SYT14: variants seen among roughly 807,000 people sequenced by gnomAD.
SYT14 encodes synaptotagmin-14.
Under a neutral mutation model 74.2 loss-of-function variants are expected in SYT14, and 32 were observed. The observed-to-expected ratio is 0.43, with a 90% CI of 0.33 to 0.58. The LOEUF (loss-of-function observed/expected upper bound fraction) is 0.58, where lower values mean the gene tolerates loss of function less well. Ranked by LOEUF, SYT14 falls within the 20% of genes least tolerant of loss-of-function variation. The pLI is 0.05. For missense variants in SYT14, 791 were observed against 981.8 expected (o/e 0.81, Z 2.60); for synonymous variants, 298 against 337.7 (o/e 0.88, Z 1.29).
intron 2 of SYT14, among the ~76,000 whole-genome samples, chr1:209,988,903 A>G (rs2079617315): frequency 6.6e-6 from 1 of 152,140 alleles, no homozygotes; most frequent in East Asian, 1.9e-4. Context: ...CTGTCTACAC[A>G]GCTTTTTATT....
intron 5 of SYT14, among the ~76,000 whole-genome samples, chr1:210,061,774 A>G (rs1282813006): frequency 6.6e-6 from 1 of 151,930 alleles, no homozygotes; most frequent in Non-Finnish European, 1.5e-5. Flanking sequence ...TCAATTCACA[A>G]TATAACTTAG....
intron 2 of SYT14, chr1:209,965,994 C>G (rs547696643): frequency 4.4e-6 from 2 of 451,696 alleles, no homozygotes; most frequent in Non-Finnish European, 8.9e-6. Flanking sequence ...CCTCAGCATC[C>G]CAAGTAACTG....
intron 2 of SYT14, among the ~76,000 whole-genome samples, chr1:209,960,177 A>G (rs2079056707): frequency 1.3e-5 from 2 of 152,192 alleles, no homozygotes; most frequent in South Asian, 2.1e-4. Flanking sequence ...AGGACTCTCT[A>G]TTGTCCTGGC....
rs1473146470 is a variant in SYT14 at position 209,939,017 on chromosome 1, C to A, written c.-534+740C>A. Among the ~76,000 whole-genome samples, 8 of 152,222 alleles carry A rather than the reference C, an allele frequency of 5.3e-5. No homozygotes were observed. The East Asian group carries it at 1.5e-3, about 29-fold the overall frequency. ...TTATAGTGCCACAATGCTCATATTT[C>A]GAAAAACAGCTTAATAAAAATTAAG... On this transcript the variant is annotated intron_variant, in intron 1 of 9. Transcript: ENST00000637265.
intron 5 of SYT14, among the ~76,000 whole-genome samples, chr1:210,056,434 T>C (rs2102397063): frequency 6.6e-6 from 1 of 152,208 alleles, no homozygotes; most frequent in African/African-American, 2.4e-5. Context: ...GGAATCAGAA[T>C]GAGGAGGCAG....
At chr1:209,939,224 C>CA (rs2078689037) in intron 1 of SYT14, among the ~76,000 whole-genome samples, 1 of 152,204 alleles carries the variant, frequency 6.6e-6, no homozygotes, top group Admixed American at 6.5e-5. Context: ...TAGATTAACT[C>CA]AAACAGTGAA....
chr1:210,080,233 T>C (rs1348628049), intron 5 of SYT14, among the ~76,000 whole-genome samples: 1 of 152,230 alleles, frequency 6.6e-6, no homozygotes, highest in African/African-American at 2.4e-5. Context: ...TCATTTCATT[T>C]AATTGTTTAG....
chr1:210,151,038 T>C (rs2083147677), intron 7 of SYT14, among the ~76,000 whole-genome samples: 1 of 152,226 alleles, frequency 6.6e-6, no homozygotes, highest in South Asian at 2.1e-4. Flanking sequence ...ACATATACTT[T>C]ACTTTCACAG....
intron 7 of SYT14, among the ~76,000 whole-genome samples, chr1:210,133,658 C>T (rs2082722108): frequency 6.6e-6 from 1 of 152,028 alleles, no homozygotes; most frequent in Non-Finnish European, 1.5e-5. Flanking sequence ...AAGATCAAAA[C>T]CTCTGTACTT....
At chr1:210,075,127 C>CCCAGCCAAACTTGGCCTCGT (rs1194860309) in intron 5 of SYT14, among the ~76,000 whole-genome samples, 7 of 152,188 alleles carry the variant, frequency 4.6e-5, no homozygotes, top group African/African-American at 1.4e-4. Flanking sequence ...CTCTGACTAC[C>CCCAGCCAAACTTGGCCTCGT]CCAGCCAAAC....
intron 2 of SYT14, among the ~76,000 whole-genome samples, chr1:210,012,204 T>C (rs2080098718): frequency 6.6e-6 from 1 of 152,226 alleles, no homozygotes; most frequent in South Asian, 2.1e-4. Context: ...AGAAAAGTTT[T>C]CTTGATCTTT....
chr1:209,961,300 A>G (rs968025341), intron 2 of SYT14, among the ~76,000 whole-genome samples: 3 of 152,148 alleles, frequency 2.0e-5, no homozygotes, highest in Non-Finnish European at 2.9e-5. Context: ...GGGCTGGGAT[A>G]GGTACAGATT....
intron 2 of SYT14, among the ~76,000 whole-genome samples, chr1:209,955,077 C>G (rs1353679863): frequency 4.6e-5 from 7 of 152,162 alleles, no homozygotes; most frequent in Non-Finnish European, 1.5e-5. Flanking sequence ...CCTGTCAGAC[C>G]TCTGATTATA....
intron 8 of SYT14, 166 bp from the exon 8 acceptor site, chr1:210,159,255 C>A (rs1297169932): frequency 2.8e-6 from 2 of 706,190 alleles, no homozygotes; most frequent in Non-Finnish European, 5.0e-6. Flanking sequence ...ATTTACCCAA[C>A]ATCCTTTTTG....
At chr1:210,000,166 C>G (rs1286414184) in intron 2 of SYT14, among the ~76,000 whole-genome samples, 1 of 152,020 alleles carries the variant, frequency 6.6e-6, no homozygotes, top group African/African-American at 2.4e-5. Flanking sequence ...TATATATTTA[C>G]TGTTATCTCC....
chr1:210,021,091 T>A (rs770301975), exon 5 of SYT14: 1 of 1,613,986 alleles, frequency 6.2e-7, no homozygotes, highest in Non-Finnish European at 8.5e-7. Flanking sequence ...AAAGTGAAGA[T>A]GAAGCGCTGG....
chr1:210,109,592 AG>A (rs2082223329), intron 7 of SYT14, among the ~76,000 whole-genome samples: 3 of 140,688 alleles, frequency 2.1e-5, no homozygotes, highest in Admixed American at 7.2e-5. Context: ...AAAAAAAAAG[AG>A]AGAAAAAACA....
At chr1:210,124,785 C>G (rs2102620762) in intron 7 of SYT14, among the ~76,000 whole-genome samples, 1 of 152,160 alleles carries the variant, frequency 6.6e-6, no homozygotes, top group East Asian at 1.9e-4. Context: ...AATTTTATGA[C>G]TTTGACTATC....
At chr1:210,116,448 G>A (rs1206635531) in intron 7 of SYT14, among the ~76,000 whole-genome samples, 1 of 152,272 alleles carries the variant, frequency 6.6e-6, no homozygotes, top group Non-Finnish European at 1.5e-5. Context: ...CTGGTTTCAA[G>A]TGATTTTCCT....
Sources: allele counts gnomAD v4.1 joint callset (sites outside exome capture counted in the v4.1 genomes callset), GRCh38; gene constraint gnomAD v4.1.1; transcripts MANE v1.5; gene names NCBI Gene and HGNC (gene_info 2026-07-23, HGNC 2026-07-21).